The following MDM4 variants were observed in gnomAD, a reference collection of about 807,000 sequenced individuals.
MDM4 encodes the protein MDM4 regulator of p53, also known as protein Mdm4.
MDM4 carries 2 observed loss-of-function variants against 60.2 expected under a neutral mutation model. The observed-to-expected ratio is 0.03, with a 90% CI of 0.01 to 0.10. The LOEUF (loss-of-function observed/expected upper bound fraction) is 0.10. Among genes scored for constraint, MDM4 ranks in the 10% least tolerant of loss-of-function variants. The probability of loss-of-function intolerance (pLI) is 1.00; values close to 1 mark genes in which losing one functional copy is unlikely to be tolerated. For missense variants in MDM4, 447 were observed against 577.5 expected, an observed-to-expected ratio of 0.77 and a Z score of 2.32; for synonymous variants, 202 against 198.1, an observed-to-expected ratio of 1.02 and a Z score of -0.17.
rs145320345 is a variant in MDM4, at chr1:204,522,205, G to T, written c.-35-3279G>T. Reference sequence around the variant, plus strand: ...TAGCTGGGCATGGTGGCATGCACCTGTAGTCCCAACTACTTGGGAGGCTGA... The same window carrying T: ...TAGCTGGGCATGGTGGCATGCACCTTTAGTCCCAACTACTTGGGAGGCTGA... On this transcript the variant is annotated intron_variant, in intron 1 of 10. Transcript: ENST00000367182. Among the ~76,000 whole-genome samples, 59 of 152,074 alleles carry T rather than the reference G, an allele frequency of 3.9e-4. 1 individual carries two copies. The East Asian group carries it at 0.011, about 29-fold the overall frequency.
chr1:204,526,515 G>C (rs2102324269), intron 3 of MDM4, 81 bp downstream of exon 3: 3 of 1,000,710 alleles, frequency 3.0e-6, no homozygotes, highest in African/African-American at 1.7e-5. Context: ...CCAGGCTGGA[G>C]TGCAGTGGTG....
In MDM4 at chr1:204,549,359, A is replaced by G. The variant is rs1662987010; in HGVS notation, c.1150A>G (p.Lys384Glu). 2.5e-6 allele frequency: 4 copies of G among 1,614,196 alleles called. No individual in the cohort carries two copies. The highest frequency in any genetic ancestry group is 3.4e-6 in the Non-Finnish European group (4 of 1,180,034). ...TGCGTATATAAAGAAAGAAAACTCC[A>G]AACTTTTTGATCCCTGCAACTCAGT... The part of the protein sequence containing the change: ...KDAYIKKENS[K>E]LFDPCNSVEF... Residue 384 changes from lysine to glutamate, a missense_variant, in exon 11 of 11, where the codon AAA becomes GAA. Coordinates refer to ENST00000367182, the MANE Select transcript of MDM4 (RefSeq NM_002393.5).
Position 204,549,471 on chromosome 1 carries a change from G to A in MDM4, c.1262G>A (p.Arg421Lys). The A allele has an allele frequency of 1.2e-6, 2 of 1,611,232 alleles. No individual in the cohort carries two copies. Among genetic ancestry groups the A allele is most frequent in the Non-Finnish European group, 8.5e-7 (1 of 1,179,142 alleles). Residue 421 changes from arginine (R) to lysine (K), a missense_variant, in exon 11 of 11, where the codon AGA becomes AAA. By Grantham distance (26) the Arg-to-Lys change is conservative. Transcript: ENST00000367182. ...CAGTTAGATAACCTTTCTGAACAGAGAACAGATACAGAAAACATGGAGGAT... is the reference window on the plus strand; with the variant it reads ...CAGTTAGATAACCTTTCTGAACAGAAAACAGATACAGAAAACATGGAGGAT... ...GEQLDNLSEQ[R>K]TDTENMEDCQ...
rs1663644030 is a variant in MDM4 at position 204,557,996 on chromosome 1, T to A, written c.*8314T>A. 1 of 185,978 alleles carries A rather than the reference T, an allele frequency of 5.4e-6. No homozygotes were observed. Among genetic ancestry groups the A allele is most frequent in the Non-Finnish European group, 1.1e-5 (1 of 87,962 alleles). The allele number at this position is 185,978 out of a possible 1,614,324, so 11.5% of individuals were successfully genotyped here. ...AAGAGGAAGGCATTTTCTGCATTCT[T>A]GCCTAGTTTTCCTTATAAGCACCAC... is the stretch of plus-strand genomic sequence containing the variant. On this transcript the variant is annotated 3_prime_UTR_variant, in exon 11 of 11. Transcript: ENST00000367182.
chr1:204,520,439 C>T (rs1016059432), intron 1 of MDM4, among the ~76,000 whole-genome samples: 1 of 147,942 alleles, frequency 6.8e-6, no homozygotes, highest in Admixed American at 6.8e-5. Flanking sequence ...CATTTTGATG[C>T]AGTAAAATGT....
intron 10 of MDM4, among the ~76,000 whole-genome samples, chr1:204,547,403 ACAACT>A (rs1341639689): frequency 1.3e-5 from 2 of 152,234 alleles, no homozygotes; most frequent in East Asian, 3.8e-4. Context: ...TCACTAGTTG[ACAACT>A]CAAGTCTAGA....
intron 5 of MDM4, among the ~76,000 whole-genome samples, chr1:204,535,404 G>A (rs1661301736): frequency 1.3e-5 from 2 of 151,950 alleles, no homozygotes; most frequent in African/African-American, 2.4e-5. Flanking sequence ...TGATCTGCCC[G>A]CCTTGGCCTC....
intron 1 of MDM4, among the ~76,000 whole-genome samples, chr1:204,518,157 A>G (rs1009001169): frequency 6.6e-5 from 10 of 152,264 alleles, no homozygotes; most frequent in Admixed American, 2.0e-4. Context: ...GCCTGTCTCA[A>G]AAAAAGAGAT....
intron 4 of MDM4, 127 bp downstream of exon 4, chr1:204,530,944 A>C (rs1178296082): frequency 8.2e-7 from 1 of 1,217,666 alleles, no homozygotes; most frequent in African/African-American, 1.5e-5. Flanking sequence ...TAGGTAGCCT[A>C]TGAGGCACTG....
At chr1:204,523,073 G>A (rs1264493520) in intron 1 of MDM4, among the ~76,000 whole-genome samples, 1 of 151,482 alleles carries the variant, frequency 6.6e-6, no homozygotes. Context: ...ATGTTGGCCA[G>A]GCTGGTGTTG....
Position 204,557,069 on chromosome 1 carries a change from A to T in MDM4, c.*7387A>T. The T allele has an allele frequency of 5.0e-6, 1 of 200,356 alleles. No homozygotes were observed. Among genetic ancestry groups the T allele is most frequent in the Non-Finnish European group, 1.0e-5 (1 of 97,046 alleles). 12.4% of individuals were successfully genotyped at this position (200,356 alleles called of 1,614,324 possible). A position where few individuals can be genotyped will look rare whatever the true frequency, so the allele number is the denominator to read the frequency against. On this transcript the variant is annotated 3_prime_UTR_variant, in exon 11 of 11. Coordinates refer to ENST00000367182, the MANE Select transcript of MDM4 (RefSeq NM_002393.5). ...TTCTACCTCATCATTTGTTGTAGGGATTAAATCCGGGAGAGCAATTCTGAA... is the reference window on the plus strand; with the variant it reads ...TTCTACCTCATCATTTGTTGTAGGGTTTAAATCCGGGAGAGCAATTCTGAA...
chr1:204,549,799 C>G lies in MDM4; in HGVS notation c.*117C>G, dbSNP rs1415298565. 1.5e-6 allele frequency: 1 copy of G among 654,998 alleles called. No individual in the cohort carries two copies. The highest frequency in any genetic ancestry group is 1.8e-5 in the African/African-American group (1 of 54,356). The allele number at this position is 654,998 out of a possible 1,614,324, so 40.6% of individuals were successfully genotyped here. A position where few individuals can be genotyped will look rare whatever the true frequency, so the allele number is the denominator to read the frequency against. On this transcript the variant is annotated 3_prime_UTR_variant, in exon 11 of 11. Transcript: ENST00000367182. ...AGAGAATGTTCTTAGGCATCAAAAT[C>G]CAAGGTAGCTGTAAGAAAAATACTG...
At chr1:204,524,165 A>C (rs1659869198) in intron 1 of MDM4, among the ~76,000 whole-genome samples, 1 of 152,216 alleles carries the variant, frequency 6.6e-6, no homozygotes, top group Non-Finnish European at 1.5e-5. Context: ...TTAAATGAAG[A>C]ACAAAGAACA....
In MDM4 at chr1:204,532,152, A is replaced by G. The variant is rs371294543; in HGVS notation, c.288-39A>G. ...AAACCACTGATATCTTCATAGTGGC[A>G]TTTGGGGTTGTTAATTTTTTATCTT... is the stretch of plus-strand genomic sequence containing the variant. On this transcript the variant is annotated intron_variant, in intron 4 of 10. Coordinates refer to ENST00000367182, the MANE Select transcript of MDM4 (RefSeq NM_002393.5). The G allele has an allele frequency of 1.1e-5, 14 of 1,223,914 alleles. No individual in the cohort carries two copies. In the African/African-American group the frequency reaches 1.9e-4, roughly 17 times the overall value. The allele number at this position is 1,223,914 out of a possible 1,614,324, so 75.8% of individuals were successfully genotyped here. A position where few individuals can be genotyped will look rare whatever the true frequency, so the allele number is the denominator to read the frequency against.
At chr1:204,532,524 T>C (rs1367398880) in intron 5 of MDM4, 7 of 553,482 alleles carry the variant, frequency 1.3e-5, no homozygotes, top group African/African-American at 1.9e-5. Flanking sequence ...AGATAAGGAC[T>C]TTTTTCTCCA....
chr1:204,526,480 T>TC, intron 3 of MDM4, 46 bp downstream of exon 3: 1 of 1,428,848 alleles, frequency 7.0e-7, no homozygotes, highest in Non-Finnish European at 9.6e-7. Context: ...TTTTTTTTTT[T>TC]TGAGATGGAG....
In MDM4 at chr1:204,542,742, G is replaced by A. The variant is rs140788137; in HGVS notation, c.512-42G>A. The A allele has an allele frequency of 1.0e-3, 1,484 of 1,431,814 alleles. 9 individuals carry two copies. In the African/African-American group the frequency reaches 0.017, roughly 17 times the overall value. 88.7% of individuals were successfully genotyped at this position (1,431,814 alleles called of 1,614,324 possible). ...TTCTAAAGATAGTCTTAGTTATTAC[G>A]TATTGTGCATAGTTATCATTCTTTT... On this transcript the variant is annotated intron_variant, in intron 7 of 10. Transcript: ENST00000367182.
chr1:204,524,249 G>A (rs1177784451), intron 1 of MDM4, among the ~76,000 whole-genome samples: 1 of 152,074 alleles, frequency 6.6e-6, no homozygotes, highest in Non-Finnish European at 1.5e-5. Context: ...CAATTTACAG[G>A]CTAAAACCTT....
intron 5 of MDM4, chr1:204,532,558 A>G (rs745435617): frequency 1.9e-5 from 11 of 575,558 alleles, no homozygotes; most frequent in African/African-American, 5.7e-5. Context: ...ATTATTACAC[A>G]TAACAAATTT....
Sources: allele counts gnomAD v4.1 joint callset (sites outside exome capture counted in the v4.1 genomes callset), GRCh38; gene constraint gnomAD v4.1.1; transcripts MANE v1.5; gene names NCBI Gene and HGNC (gene_info 2026-07-23, HGNC 2026-07-21).